Variants in PHLPP1 observed in about 807,000 individuals in gnomAD.
PHLPP1 encodes the protein PH domain leucine-rich repeat-containing protein phosphatase 1.
A neutral mutation model predicts 117.2 loss-of-function variants in PHLPP1; 42 were observed. That is an observed-to-expected ratio of 0.36 (90% CI 0.28 to 0.46). PHLPP1 has a LOEUF of 0.46. PHLPP1 is among the 20% of genes least tolerant of loss of function. The probability of loss-of-function intolerance (pLI) is 1.00; values close to 1 mark genes in which losing one functional copy is unlikely to be tolerated. For missense variants in PHLPP1, 2,084 were observed against 2,241.9 expected, an observed-to-expected ratio of 0.93 and a Z score of 1.42; for synonymous variants, 1,042 against 970.7, an observed-to-expected ratio of 1.07 and a Z score of -1.37.
rs1910691237 is a variant in PHLPP1 at position 62,958,755 on chromosome 18, C to G, written c.3451C>G (p.Leu1151Val). 2 of 1,613,978 alleles carry G rather than the reference C, an allele frequency of 1.2e-6. No homozygotes were observed. Among genetic ancestry groups the G allele is most frequent in the Non-Finnish European group, 1.7e-6 (2 of 1,179,860 alleles). ...CCTTGATCACAAAACCCTGGAACTA[C>G]TGAAGTAAGTATTCTGTAAAGCACT... ...LVLDHKTLEL[L>V]NNIRCFKIDQ... Residue 1151 changes from leucine (L) to valine (V), a missense_variant, in exon 13 of 17, where the codon CTG (leucine) becomes GTG (valine). Around this residue, in one of 2 missense-constraint regions of PHLPP1, gnomAD observed 1,365 missense variants for 1,605.9 expected, o/e 0.85. Transcript: ENST00000262719.
intron 1 of PHLPP1, among the ~76,000 whole-genome samples, chr18:62,744,067 A>C (rs1019415493): frequency 6.6e-6 from 1 of 152,240 alleles, no homozygotes; most frequent in Non-Finnish European, 1.5e-5. Flanking sequence ...TGGTAGGCAC[A>C]ATTGGAAATA....
At position 62,941,889 on chromosome 18, in the gene PHLPP1, C is replaced by G; in HGVS notation, c.3132C>G (p.Ala1044=). The G allele has an allele frequency of 6.2e-7, 1 of 1,613,784 alleles. No homozygotes were observed. Among genetic ancestry groups the G allele is most frequent in the Non-Finnish European group, 8.5e-7 (1 of 1,179,712 alleles). The change falls in exon 11 of 17, where the codon GCC becomes GCG. Residue 1044 remains alanine, a synonymous_variant. Transcript: ENST00000262719. ...GHPHLKILHM[A]YNRLQSFPAS... ...CCCATTTGAAGATCCTTCACATGGC[C>G]TATAACCGACTTCAGAGTTTTCCAG... is the stretch of plus-strand genomic sequence containing the variant.
At position 62,928,448 on chromosome 18, in the gene PHLPP1, A is replaced by G. The variant is rs561420308; in HGVS notation, c.2960+8334A>G. Among the ~76,000 whole-genome samples, 3 of 152,316 alleles carry G rather than the reference A, an allele frequency of 2.0e-5. No individual in the cohort carries two copies. The East Asian group carries it at 5.8e-4, about 29-fold the overall frequency. On this transcript the variant is annotated intron_variant, in intron 10 of 16. Coordinates refer to ENST00000262719, the MANE Select transcript of PHLPP1 (RefSeq NM_194449.4). The stretch of plus-strand genomic sequence containing the variant: ...CATCATTAGCCATTGGGGAAATGTA[A>G]ACAAAAACCACAATCAGATATGACT...
intron 1 of PHLPP1, among the ~76,000 whole-genome samples, chr18:62,753,579 T>C (rs7237353): frequency 6.6e-6 from 1 of 152,346 alleles, no homozygotes; most frequent in African/African-American, 2.4e-5. Flanking sequence ...TAGATGTGTG[T>C]AGCTGCATTC....
chr18:62,892,082 C>CTTTTTTTTTTTTTTTTTTTT (rs200141250), intron 4 of PHLPP1, among the ~76,000 whole-genome samples: 2 of 107,968 alleles, frequency 1.9e-5, no homozygotes, highest in African/African-American at 4.0e-5. Flanking sequence ...TTCTTTCTTT[C>CTTTTTTTTTTTTTTTTTTTT]TTTTTTTTTT....
chr18:62,837,165 T>G (rs1914928446), intron 2 of PHLPP1, among the ~76,000 whole-genome samples: 1 of 152,140 alleles, frequency 6.6e-6, no homozygotes, highest in African/African-American at 2.4e-5. Flanking sequence ...TTTGTTTTTC[T>G]GTTTTTTGTA....
Position 62,793,888 on chromosome 18 carries a change from CTTAATTTCCT to C in PHLPP1, c.1577-36143_1577-36134del, listed in dbSNP as rs2144292689. The stretch of plus-strand genomic sequence containing the variant: ...GGGTCTGTCAGCCTGCCAGTTGGGT[CTTAATTTCCT>C]TTATGTTCAATCCTATATCAAACTG... On this transcript the variant is annotated intron_variant, in intron 1 of 16. Transcript: ENST00000262719. Among the ~76,000 whole-genome samples the C allele has an allele frequency of 2.0e-5, 3 of 152,290 alleles. 1 individual carries two copies. The East Asian group carries it at 5.8e-4, about 29-fold the overall frequency.
At chr18:62,887,225 C>G (rs938896003) in intron 4 of PHLPP1, among the ~76,000 whole-genome samples, 1 of 152,008 alleles carries the variant, frequency 6.6e-6, no homozygotes, top group Non-Finnish European at 1.5e-5. Context: ...GTAATGACGT[C>G]GAAAGGCAGT....
At chr18:62,730,922 T>C (rs1568096579) in intron 1 of PHLPP1, among the ~76,000 whole-genome samples, 1 of 151,968 alleles carries the variant, frequency 6.6e-6, no homozygotes. Context: ...CAATGGGAAA[T>C]TGCCACAGAT....
chr18:62,787,241 G>GC (rs1599047196), intron 1 of PHLPP1, among the ~76,000 whole-genome samples: 1 of 151,974 alleles, frequency 6.6e-6, no homozygotes, highest in African/African-American at 2.4e-5. Flanking sequence ...GGTACACTCA[G>GC]CCCACTGCAA....
intron 10 of PHLPP1, among the ~76,000 whole-genome samples, chr18:62,927,574 T>C (rs912920564): frequency 6.6e-6 from 1 of 152,054 alleles, no homozygotes; most frequent in African/African-American, 2.4e-5. Flanking sequence ...ATGACAGTTA[T>C]CTGAGAAATG....
At chr18:62,863,194 C>T (rs1915675994) in intron 4 of PHLPP1, among the ~76,000 whole-genome samples, 1 of 150,884 alleles carries the variant, frequency 6.6e-6, no homozygotes, top group Admixed American at 6.6e-5. Context: ...TTCTCTCTCT[C>T]TTCTTTTCTT....
intron 1 of PHLPP1, among the ~76,000 whole-genome samples, chr18:62,749,299 G>T (rs1911773856): frequency 6.6e-6 from 1 of 151,168 alleles, no homozygotes. Context: ...TCCTGGGAGT[G>T]GGGGAAAAAA....
At chr18:62,931,911 G>T (rs1043163454) in intron 10 of PHLPP1, among the ~76,000 whole-genome samples, 4 of 144,552 alleles carry the variant, frequency 2.8e-5, no homozygotes, top group African/African-American at 1.0e-4. Context: ...ATCCAAATAA[G>T]CACAAATTGA....
intron 4 of PHLPP1, among the ~76,000 whole-genome samples, chr18:62,872,903 C>T (rs1319775968): frequency 2.1e-5 from 3 of 144,772 alleles, no homozygotes; most frequent in African/African-American, 5.3e-5. Flanking sequence ...AGGAGAATCA[C>T]TTGAATCTGG....
chr18:62,955,466 C>T (rs554393879), intron 12 of PHLPP1, among the ~76,000 whole-genome samples: 29 of 152,182 alleles, frequency 1.9e-4, no homozygotes, highest in Non-Finnish European at 3.4e-4. Context: ...GCAGCCAGAG[C>T]CCTCCGGGGG....
In PHLPP1 at chr18:62,860,607, C is replaced by T; in HGVS notation, c.2066+6C>T. 1.9e-6 allele frequency: 3 copies of T among 1,609,632 alleles called. No homozygotes were observed. The highest frequency in any genetic ancestry group is 2.5e-6 in the Non-Finnish European group (3 of 1,177,620). On this transcript the variant is annotated splice_donor_region_variant and intron_variant, in intron 4 of 16. Coordinates refer to ENST00000262719, the MANE Select transcript of PHLPP1 (RefSeq NM_194449.4). ...GGGCTTAATGAACTGCAAAGGTAAGCCTGCAGAAATGGGTAGATCATTAGG... is the reference window on the plus strand; with the variant it reads ...GGGCTTAATGAACTGCAAAGGTAAGTCTGCAGAAATGGGTAGATCATTAGG...
intron 1 of PHLPP1, among the ~76,000 whole-genome samples, chr18:62,765,998 T>C (rs1912466431): frequency 7.2e-6 from 1 of 139,154 alleles, no homozygotes; most frequent in African/African-American, 2.7e-5. Context: ...AAGGGGGAGC[T>C]TGCAGTGAGC....
chr18:62,830,923 A>G (rs532702079), intron 2 of PHLPP1, among the ~76,000 whole-genome samples: 9 of 152,188 alleles, frequency 5.9e-5, no homozygotes, highest in Non-Finnish European at 1.0e-4. Flanking sequence ...GTTTGAGTCT[A>G]TAGTGCTTAA....
Sources: allele counts gnomAD v4.1 joint callset (sites outside exome capture counted in the v4.1 genomes callset), GRCh38; gene constraint gnomAD v4.1.1; regional missense constraint gnomAD v4.1.1; transcripts MANE v1.5; gene names NCBI Gene and HGNC (gene_info 2026-07-23, HGNC 2026-07-21).